Variants in LRRC7 observed in about 807,000 individuals in gnomAD.
LRRC7 encodes leucine-rich repeat-containing protein 7.
LRRC7 carries 23 observed loss-of-function variants against 175.7 expected under a neutral mutation model. The ratio of observed to expected loss-of-function variants is 0.13; its 90% CI spans 0.09 to 0.19. The LOEUF (loss-of-function observed/expected upper bound fraction) is 0.19. LRRC7 is among the 10% of genes least tolerant of loss of function. LRRC7 has a pLI of 1.00. For synonymous variants in LRRC7, 685 were observed against 680.9 expected (o/e 1.01, Z -0.09); for missense variants, 1,354 against 1,904.7 (o/e 0.71, Z 5.38).
At chr1:70,090,860 C>T (rs773670491) in intron 25 of LRRC7, among the ~76,000 whole-genome samples, 4 of 152,090 alleles carry the variant, frequency 2.6e-5, no homozygotes, top group Non-Finnish European at 2.9e-5. Context: ...TTCTGTAGCC[C>T]GAAACAGAGC....
In LRRC7 at chr1:69,792,036, A is replaced by G. The variant is rs1444675372; in HGVS notation, c.304-7A>G. 2 of 1,522,572 alleles carry G rather than the reference A, an allele frequency of 1.3e-6. No homozygotes were observed. Among genetic ancestry groups the G allele is most frequent in the Non-Finnish European group, 1.8e-6 (2 of 1,106,622 alleles). 94.3% of individuals were successfully genotyped at this position (1,522,572 alleles called of 1,614,324 possible). On this transcript the variant is annotated splice_region_variant and splice_polypyrimidine_tract_variant and intron_variant, in intron 3 of 26. Coordinates refer to ENST00000651989, the MANE Select transcript of LRRC7 (RefSeq NM_001370785.2). ...GAGATCTAATTAATGATTATTTTCT[A>G]TTACAGCAATTGTTCAACTGTCAAG...
rs555575661 is a variant in LRRC7 at position 69,699,889 on chromosome 1, TTA to T, written c.100+21413_100+21414del. Among the ~76,000 whole-genome samples the T allele has an allele frequency of 3.3e-5, 5 of 152,300 alleles. No individual in the cohort carries two copies. In the South Asian group the frequency reaches 8.3e-4, roughly 25 times the overall value. ...TAAGTGTGAGCCAAGCACCAGTCTT[TTA>T]TGTTTTCAACTGCAGGGAATTTATT... is the stretch of plus-strand genomic sequence containing the variant. On this transcript the variant is annotated intron_variant, in intron 2 of 26. Transcript: ENST00000651989.
intron 26 of LRRC7, among the ~76,000 whole-genome samples, chr1:70,116,007 A>G (rs1042941478): frequency 9.2e-5 from 14 of 152,332 alleles, no homozygotes; most frequent in African/African-American, 3.1e-4. Context: ...TTGGCTTGCA[A>G]ATCAAGGTAG....
chr1:69,877,370 T>C (rs1353150817), intron 7 of LRRC7, among the ~76,000 whole-genome samples: 1 of 152,120 alleles, frequency 6.6e-6, no homozygotes, highest in Non-Finnish European at 1.5e-5. Flanking sequence ...GGAGGATCAC[T>C]TGAGGCCAAG....
In LRRC7 at chr1:70,036,511, C is replaced by T. The variant is rs753020093; in HGVS notation, c.2175C>T (p.Tyr725=). 2.5e-6 allele frequency: 4 copies of T among 1,614,066 alleles called. No individual in the cohort carries two copies. The highest frequency in any genetic ancestry group is 3.4e-6 in the Non-Finnish European group (4 of 1,179,922). The stretch of plus-strand genomic sequence containing the variant: ...ATAACAGTGTTTCCTCAGGCACTTA[C>T]TCAGACTACTCGCCTTCCCAGGCTT... ...CLNNSVSSGT[Y]SDYSPSQASS... Residue 725 remains tyrosine (Y), a synonymous_variant, in exon 20 of 27, where the codon TAC becomes TAT. Coordinates refer to ENST00000651989, the MANE Select transcript of LRRC7 (RefSeq NM_001370785.2).
At chr1:70,010,805 C>T (rs1204299371) in intron 11 of LRRC7, among the ~76,000 whole-genome samples, 1 of 152,146 alleles carries the variant, frequency 6.6e-6, no homozygotes, top group African/African-American at 2.4e-5. Context: ...TCAAACCAGG[C>T]ATTGAAGTGT....
intron 7 of LRRC7, among the ~76,000 whole-genome samples, chr1:69,907,190 A>C (rs1274362259): frequency 2.6e-5 from 4 of 152,162 alleles, no homozygotes; most frequent in African/African-American, 7.2e-5. Flanking sequence ...TAAATATACA[A>C]TCATGTCATC....
intron 6 of LRRC7, 78 bp from the exon 7 acceptor site, chr1:69,838,149 C>A: frequency 1.1e-6 from 1 of 925,708 alleles, no homozygotes; most frequent in Non-Finnish European, 1.8e-6. Flanking sequence ...CCCTATAGTG[C>A]TACCAAATAC....
intron 5 of LRRC7, among the ~76,000 whole-genome samples, chr1:69,826,481 G>A (rs532686668): frequency 6.6e-6 from 1 of 152,248 alleles, no homozygotes; most frequent in East Asian, 1.9e-4. Context: ...GTGGAATCAA[G>A]TAGGTCAGGA....
In LRRC7 at chr1:69,884,549, T is replaced by A. The variant is rs1194742342; in HGVS notation, c.647+46266T>A. Among the ~76,000 whole-genome samples the A allele has an allele frequency of 1.4e-5, 2 of 138,778 alleles. 1 individual carries two copies. Among genetic ancestry groups the A allele is most frequent in the Non-Finnish European group, 3.0e-5 (2 of 66,006 alleles). The allele number at this position is 138,778 out of a possible 152,430, so 91.0% of individuals were successfully genotyped here. On this transcript the variant is annotated intron_variant, in intron 7 of 26. Coordinates refer to ENST00000651989, the MANE Select transcript of LRRC7 (RefSeq NM_001370785.2). ...ATGGGGTTTTCTAGATATACAATCATGTCGTCTGCAAACAGGGACAATTTG... is the reference window on the plus strand; with the variant it reads ...ATGGGGTTTTCTAGATATACAATCAAGTCGTCTGCAAACAGGGACAATTTG...
chr1:69,964,706 A>G lies in LRRC7; in HGVS notation c.712-15673A>G, dbSNP rs1651489011. On this transcript the variant is annotated intron_variant, in intron 8 of 26. Coordinates refer to ENST00000651989, the MANE Select transcript of LRRC7 (RefSeq NM_001370785.2). ...TCATTGTTTGTTTGATGCTCACTTA[A>G]CACTTAACTTCCTGTGACTTTCCTC... Among the ~76,000 whole-genome samples the G allele has an allele frequency of 1.3e-5, 2 of 152,218 alleles. 1 individual carries two copies. Among genetic ancestry groups the G allele is most frequent in the South Asian group, 4.1e-4 (2 of 4,836 alleles).
At chr1:69,746,291 T>G (rs143975560) in intron 2 of LRRC7, among the ~76,000 whole-genome samples, 1 of 152,076 alleles carries the variant, frequency 6.6e-6, no homozygotes, top group African/African-American at 2.4e-5. Context: ...TTGAAATCTT[T>G]ACTTGATCCT....
chr1:69,969,535 G>T (rs1251421899), intron 8 of LRRC7, among the ~76,000 whole-genome samples: 1 of 151,672 alleles, frequency 6.6e-6, no homozygotes, highest in African/African-American at 2.4e-5. Context: ...AGAGAAAGAG[G>T]GTCATTATAT....
At chr1:69,837,448 G>A (rs1488473504) in intron 6 of LRRC7, among the ~76,000 whole-genome samples, 2 of 151,814 alleles carry the variant, frequency 1.3e-5, no homozygotes, top group Admixed American at 1.3e-4. Flanking sequence ...AGATTTATGG[G>A]TAAGGAAATT....
intron 3 of LRRC7, among the ~76,000 whole-genome samples, chr1:69,790,804 C>T (rs1675015638): frequency 6.6e-6 from 1 of 151,862 alleles, no homozygotes; most frequent in Non-Finnish European, 1.5e-5. Context: ...AAAGAAATAG[C>T]AACATTTATA....
At chr1:70,113,737 AAAG>A (rs1051063924) in intron 26 of LRRC7, among the ~76,000 whole-genome samples, 10 of 152,146 alleles carry the variant, frequency 6.6e-5, no homozygotes, top group Non-Finnish European at 1.0e-4. Context: ...CAAAAAAAAA[AAAG>A]AGTTCATGGT....
intron 1 of LRRC7, among the ~76,000 whole-genome samples, chr1:69,593,472 T>A (rs1333215152): frequency 6.6e-6 from 1 of 152,172 alleles, no homozygotes. Flanking sequence ...TTCAAAAATA[T>A]ACTGACAGTT....
intron 7 of LRRC7, among the ~76,000 whole-genome samples, chr1:69,929,603 T>C (rs1647205373): frequency 6.6e-6 from 1 of 152,198 alleles, no homozygotes; most frequent in Non-Finnish European, 1.5e-5. Flanking sequence ...TTTTTTATAA[T>C]AAGAAAGAAG....
intron 2 of LRRC7, among the ~76,000 whole-genome samples, chr1:69,682,375 G>T (rs1185087614): frequency 6.6e-6 from 1 of 152,014 alleles, no homozygotes. Context: ...GATTATACAG[G>T]GTTCAAGCAT....
Sources: gnomAD v4.1 joint callset for allele counts (sites outside exome capture counted in the v4.1 genomes callset) on GRCh38, gnomAD v4.1.1 for gene constraint, MANE v1.5 for transcripts, NCBI Gene and HGNC (gene_info 2026-07-23, HGNC 2026-07-21) for gene names.